CDK5RAP2: variants seen among roughly 807,000 people sequenced by gnomAD.
The protein encoded by CDK5RAP2 is CDK5 regulatory subunit associated protein 2.
Under a neutral mutation model 232.9 loss-of-function variants are expected in CDK5RAP2, and 147 were observed. The observed-to-expected ratio is 0.63, with a 90% CI of 0.55 to 0.72. The LOEUF is 0.72. Among genes scored for constraint, CDK5RAP2 ranks in the 30% least tolerant of loss-of-function variants. CDK5RAP2 has a pLI of 0.00. For missense variants in CDK5RAP2, 2,195 were observed against 2,231.5 expected (o/e 0.98, Z 0.33); for synonymous variants, 833 against 833.7 (o/e 1.00, Z 0.01).
intron 3 of CDK5RAP2, among the ~76,000 whole-genome samples, chr9:120,556,488 G>A (rs1415361792): frequency 6.6e-6 from 1 of 151,702 alleles, no homozygotes; most frequent in Non-Finnish European, 1.5e-5. Flanking sequence ...GAGTGCAGTG[G>A]TGCAATCTCA....
chr9:120,436,492 C>T (rs1173258546), intron 25 of CDK5RAP2, among the ~76,000 whole-genome samples: 1 of 152,110 alleles, frequency 6.6e-6, no homozygotes, highest in Non-Finnish European at 1.5e-5. Flanking sequence ...CAAATATAGG[C>T]TGTATATTAG....
intron 28 of CDK5RAP2, among the ~76,000 whole-genome samples, chr9:120,413,151 A>T (rs1011907562): frequency 6.6e-6 from 1 of 152,256 alleles, no homozygotes; most frequent in African/African-American, 2.4e-5. Context: ...TACCACAACC[A>T]AAGCTAAGGT....
At chr9:120,561,038 G>T (rs549426177) in intron 3 of CDK5RAP2, among the ~76,000 whole-genome samples, 40 of 152,112 alleles carry the variant, frequency 2.6e-4, no homozygotes, top group African/African-American at 9.4e-4. Context: ...GGGCCACAAT[G>T]AATTTTTTAA....
intron 13 of CDK5RAP2, among the ~76,000 whole-genome samples, chr9:120,488,359 T>C (rs931333496): frequency 1.3e-5 from 2 of 152,224 alleles, no homozygotes; most frequent in African/African-American, 2.4e-5. Context: ...ATTGTCACAA[T>C]ACAGTTGTGC....
At chr9:120,523,632 A>C (rs991396554) in intron 11 of CDK5RAP2, among the ~76,000 whole-genome samples, 1 of 152,234 alleles carries the variant, frequency 6.6e-6, no homozygotes, top group African/African-American at 2.4e-5. Flanking sequence ...GAATCTTGGG[A>C]ATCAAACAGT....
intron 20 of CDK5RAP2, among the ~76,000 whole-genome samples, chr9:120,458,207 C>T (rs1404246071): frequency 5.9e-5 from 9 of 152,160 alleles, no homozygotes; most frequent in African/African-American, 2.2e-4. Context: ...GGAATAATTC[C>T]CAAAGAAAGC....
At chr9:120,496,577 G>A (rs1424677125) in intron 12 of CDK5RAP2, among the ~76,000 whole-genome samples, 209 of 146,402 alleles carry the variant, frequency 1.4e-3, no homozygotes, top group Non-Finnish European at 2.4e-3. Context: ...TCGGCCCCCC[G>A]TCCGGCCAGC....
intron 12 of CDK5RAP2, among the ~76,000 whole-genome samples, chr9:120,511,564 A>G (rs1275763523): frequency 1.3e-5 from 2 of 152,040 alleles, no homozygotes; most frequent in African/African-American, 2.4e-5. Context: ...ACCAGAGGCA[A>G]TTCTTTCCTT....
intron 25 of CDK5RAP2, among the ~76,000 whole-genome samples, chr9:120,436,766 CA>C (rs897776666): frequency 2.7e-5 from 4 of 150,910 alleles, no homozygotes; most frequent in African/African-American, 2.4e-5. Flanking sequence ...GCTGTAGTCT[CA>C]AAAAAAAATT....
chr9:120,544,462 G>A (rs941293988), intron 5 of CDK5RAP2, among the ~76,000 whole-genome samples: 3 of 152,232 alleles, frequency 2.0e-5, no homozygotes, highest in Non-Finnish European at 4.4e-5. Context: ...AAGTGTGCAA[G>A]TTCAGCATAA....
At chr9:120,425,571 C>G (rs184601554) in intron 25 of CDK5RAP2, among the ~76,000 whole-genome samples, 1 of 152,224 alleles carries the variant, frequency 6.6e-6, no homozygotes, top group African/African-American at 2.4e-5. Flanking sequence ...TTATGCCAGA[C>G]AAACTTACAA....
At chr9:120,557,709 T>C (rs945540463) in intron 3 of CDK5RAP2, among the ~76,000 whole-genome samples, 3 of 151,196 alleles carry the variant, frequency 2.0e-5, no homozygotes, top group African/African-American at 7.3e-5. Context: ...CAGTAAGCCA[T>C]GATCATGCTA....
chr9:120,459,086 C>T (rs2036945796), intron 19 of CDK5RAP2, among the ~76,000 whole-genome samples: 1 of 152,220 alleles, frequency 6.6e-6, no homozygotes, highest in Admixed American at 6.5e-5. Flanking sequence ...TTATTATATT[C>T]TTCTTGCAAT....
intron 29 of CDK5RAP2, among the ~76,000 whole-genome samples, chr9:120,410,976 G>A (rs2131318887): frequency 6.6e-6 from 1 of 152,340 alleles, no homozygotes; most frequent in East Asian, 1.9e-4. Context: ...ATCACTAATT[G>A]AGATTTTGGC....
intron 25 of CDK5RAP2, among the ~76,000 whole-genome samples, chr9:120,424,152 C>A (rs1282626071): frequency 1.3e-5 from 2 of 152,200 alleles, no homozygotes; most frequent in African/African-American, 4.8e-5. Flanking sequence ...AAGTGGAAAT[C>A]CAGGAGGTTT....
intron 3 of CDK5RAP2, among the ~76,000 whole-genome samples, chr9:120,560,350 C>T (rs567287093): frequency 1.3e-5 from 2 of 152,278 alleles, no homozygotes; most frequent in South Asian, 2.1e-4. Context: ...TTAAAAATCA[C>T]GTAGAGTGAA....
intron 12 of CDK5RAP2, among the ~76,000 whole-genome samples, chr9:120,512,861 TA>T (rs1429620364): frequency 6.6e-6 from 1 of 152,170 alleles, no homozygotes; most frequent in Non-Finnish European, 1.5e-5. Context: ...GCAATCTTTG[TA>T]AACTGTAAAG....
rs768610231 is a variant in CDK5RAP2 at position 120,545,776 on chromosome 9, C to G, written c.321G>C (p.Lys107Asn). The stretch of plus-strand genomic sequence containing the variant: ...CCCGCTTCAGACTTTCTACTTCCAC[C>G]TTGAGCTCAATGTTCTACAAAACAA... Reference protein sequence around the residue: ...EHIYKTNIELKVEVESLKREL... With the variant: ...EHIYKTNIELNVEVESLKREL... The change falls in exon 5 of 38, where the codon AAG (lysine) becomes AAC (asparagine). Residue 107 changes from lysine (K) to asparagine (N), a missense_variant. Physicochemically the swap from Lys to Asn is moderately conservative, Grantham distance 94. Transcript: ENST00000349780. 50 of 1,613,526 alleles carry G rather than the reference C, an allele frequency of 3.1e-5. No homozygotes were observed. The highest frequency in any genetic ancestry group is 4.2e-5 in the Non-Finnish European group (50 of 1,179,528).
Position 120,470,139 on chromosome 9 carries a change from T to A in CDK5RAP2, c.1940A>T (p.His647Leu), listed in dbSNP as rs762876481. Residue 647 changes from histidine (H) to leucine (L), a missense_variant, in exon 17 of 38, where the codon CAT (histidine) becomes CTT (leucine). By Grantham distance (99) the His-to-Leu change is moderately conservative (BLOSUM62 -3). Coordinates refer to ENST00000349780, the MANE Select transcript of CDK5RAP2 (RefSeq NM_018249.6). ...LEENNRFQVE[H>L]FSQEELKKKV... is the part of the protein sequence containing the mutation. ...TTTCTTAAGTTCTTCTTGAGAAAAATGTTCCACTTGAAACCGATTGTTTTC... is the reference window on the plus strand; with the variant it reads ...TTTCTTAAGTTCTTCTTGAGAAAAAAGTTCCACTTGAAACCGATTGTTTTC... 1.3e-6 allele frequency: 2 copies of A among 1,577,718 alleles called. No homozygotes were observed. The highest frequency in any genetic ancestry group is 1.7e-6 in the Non-Finnish European group (2 of 1,148,664).
Sources: gnomAD v4.1 joint callset for allele counts (sites outside exome capture counted in the v4.1 genomes callset) on GRCh38, gnomAD v4.1.1 for gene constraint, MANE v1.5 for transcripts, NCBI Gene and HGNC (gene_info 2026-07-23, HGNC 2026-07-21) for gene names.